The following MDGA2 variants were observed in gnomAD, a reference collection of about 807,000 sequenced individuals.
MDGA2 encodes the protein MAM domain-containing glycosylphosphatidylinositol anchor protein 2.
In MDGA2, 40 loss-of-function variants were observed where a neutral mutation model predicts 117.8. That is an observed-to-expected ratio of 0.34 (90% CI 0.26 to 0.44). The LOEUF (loss-of-function observed/expected upper bound fraction) is 0.44. Among genes scored for constraint, MDGA2 ranks in the 20% least tolerant of loss-of-function variants. The pLI, the probability that MDGA2 is intolerant of heterozygous loss-of-function variation, is 1.00. For missense variants in MDGA2, 1,123 were observed against 1,250.6 expected (o/e 0.90, Z 1.54); for synonymous variants, 452 against 439.0 (o/e 1.03, Z -0.37).
chr14:47,201,633 T>C (rs1191290523), intron 3 of MDGA2, among the ~76,000 whole-genome samples: 1 of 152,224 alleles, frequency 6.6e-6, no homozygotes, highest in Non-Finnish European at 1.5e-5. Context: ...AAAATAACTT[T>C]CTATTTTAGT....
intron 8 of MDGA2, among the ~76,000 whole-genome samples, chr14:46,974,419 A>G (rs1339666948): frequency 6.6e-6 from 1 of 152,092 alleles, no homozygotes; most frequent in East Asian, 1.9e-4. Flanking sequence ...GAATAGCCAC[A>G]ACAAATCTTG....
chr14:47,150,793 G>A (rs1883131521), intron 3 of MDGA2, among the ~76,000 whole-genome samples: 2 of 151,902 alleles, frequency 1.3e-5, no homozygotes, highest in South Asian at 4.2e-4. Context: ...ACATGGTGGT[G>A]CATGCCTGTA....
intron 1 of MDGA2, among the ~76,000 whole-genome samples, chr14:47,486,713 G>A (rs117827329): frequency 0.014 from 2,090 of 152,154 alleles, 41 homozygotes; most frequent in East Asian, 0.1. Context: ...TGGGCCTCAC[G>A]AGATCTAATG....
chr14:47,328,042 C>T (rs1890192958), intron 1 of MDGA2, among the ~76,000 whole-genome samples: 1 of 152,118 alleles, frequency 6.6e-6, no homozygotes. Flanking sequence ...TACTATTACA[C>T]ATTGTGTTTG....
At chr14:46,845,600 A>G (rs1880802471) in intron 16 of MDGA2, among the ~76,000 whole-genome samples, 166 bp downstream of exon 16, 1 of 152,208 alleles carries the variant, frequency 6.6e-6, no homozygotes, top group African/African-American at 2.4e-5. Context: ...ATTGAATTTA[A>G]TACTTTAAAA....
intron 10 of MDGA2, among the ~76,000 whole-genome samples, chr14:46,891,657 C>T (rs1464862794): frequency 1.3e-5 from 2 of 151,310 alleles, no homozygotes; most frequent in Non-Finnish European, 3.0e-5. Context: ...ATGAATAGGA[C>T]TTAAGAAGGT....
chr14:47,071,216 A>G (rs1425188958), intron 6 of MDGA2, among the ~76,000 whole-genome samples: 1 of 152,224 alleles, frequency 6.6e-6, no homozygotes, highest in Admixed American at 6.5e-5. Flanking sequence ...TCATGTAAGT[A>G]CGAGAGTATT....
At chr14:47,601,992 C>T (rs968744462) in intron 1 of MDGA2, among the ~76,000 whole-genome samples, 7 of 152,096 alleles carry the variant, frequency 4.6e-5, no homozygotes, top group Non-Finnish European at 8.8e-5. Context: ...TGTATGGCTA[C>T]TATAGGAAAT....
At chr14:47,250,505 G>A (rs2139639750) in intron 2 of MDGA2, among the ~76,000 whole-genome samples, 1 of 152,296 alleles carries the variant, frequency 6.6e-6, no homozygotes, top group South Asian at 2.1e-4. Context: ...CCTTTGAGAG[G>A]TTAATTAGGT....
intron 1 of MDGA2, among the ~76,000 whole-genome samples, chr14:47,462,720 C>A (rs1003652241): frequency 2.4e-4 from 36 of 151,756 alleles, no homozygotes; most frequent in African/African-American, 8.5e-4. Flanking sequence ...TGACGTCATG[C>A]GAACAATGAA....
intron 2 of MDGA2, among the ~76,000 whole-genome samples, chr14:47,229,237 T>C (rs541781012): frequency 2.6e-4 from 39 of 152,160 alleles, no homozygotes; most frequent in Non-Finnish European, 5.1e-4. Context: ...CTTATCTTTC[T>C]AGCTTTTCTT....
intron 1 of MDGA2, among the ~76,000 whole-genome samples, chr14:47,657,483 A>G (rs1897766322): frequency 6.6e-6 from 1 of 152,184 alleles, no homozygotes; most frequent in Non-Finnish European, 1.5e-5. Flanking sequence ...TAAATGTCCA[A>G]CCTGCCAGCA....
rs368221740 is a variant in MDGA2, at chr14:47,125,259, G to A, written c.925+6455C>T. Among the ~76,000 whole-genome samples, 46 of 152,156 alleles carry A rather than the reference G, an allele frequency of 3.0e-4. No individual in the cohort carries two copies. The East Asian group carries it at 4.8e-3, about 16-fold the overall frequency. On this transcript the variant is annotated intron_variant, in intron 5 of 16. Transcript: ENST00000399232. ...TCTATGACCATAGGTGTAGCATATC[G>A]CAAGAGAAATTGTTTTTGTATTTTG...
chr14:47,558,605 G>C (rs969883367), intron 1 of MDGA2, among the ~76,000 whole-genome samples: 2 of 152,148 alleles, frequency 1.3e-5, no homozygotes, highest in African/African-American at 4.8e-5. Flanking sequence ...CTGCTTTCAG[G>C]GAGAGCACAC....
At chr14:46,970,437 C>A (rs758767108) in intron 8 of MDGA2, among the ~76,000 whole-genome samples, 1 of 152,054 alleles carries the variant, frequency 6.6e-6, no homozygotes, top group South Asian at 2.1e-4. Context: ...GTGCCAAGAA[C>A]ATACAATGGG....
intron 8 of MDGA2, among the ~76,000 whole-genome samples, chr14:46,995,471 AGGAAGTT>A (rs1303795761): frequency 6.6e-6 from 1 of 152,208 alleles, no homozygotes; most frequent in Non-Finnish European, 1.5e-5. Flanking sequence ...ATTACATTTT[AGGAAGTT>A]AATGAATTAC....
At chr14:47,159,314 CACTT>C (rs1883535646) in intron 3 of MDGA2, among the ~76,000 whole-genome samples, 1 of 152,006 alleles carries the variant, frequency 6.6e-6, no homozygotes, top group Non-Finnish European at 1.5e-5. Flanking sequence ...TTTAATATAA[CACTT>C]AAAAAAAAAT....
chr14:47,023,196 C>G (rs113033803), intron 8 of MDGA2, among the ~76,000 whole-genome samples: 6,811 of 73,374 alleles, frequency 0.093, 210 homozygotes, highest in Middle Eastern at 0.14. Flanking sequence ...TATTCCCACT[C>G]GTAAAAAAAA....
At position 47,369,567 on chromosome 14, in the gene MDGA2, C is replaced by T. The variant is rs374648645; in HGVS notation, c.281-68017G>A. Among the ~76,000 whole-genome samples the T allele has an allele frequency of 2.0e-4, 31 of 152,198 alleles. No individual in the cohort carries two copies. The East Asian group carries it at 3.9e-3, about 19-fold the overall frequency. ...CCCTGCAGTCCTCCAGCCATCTCCC[C>T]GGTCCCGACACCACCAGCCAACAAA... On this transcript the variant is annotated intron_variant, in intron 1 of 16. Coordinates refer to ENST00000399232, the MANE Select transcript of MDGA2 (RefSeq NM_001113498.3).
Sources: gnomAD v4.1 joint callset for allele counts (sites outside exome capture counted in the v4.1 genomes callset) on GRCh38, gnomAD v4.1.1 for gene constraint, MANE v1.5 for transcripts, NCBI Gene and HGNC (gene_info 2026-07-23, HGNC 2026-07-21) for gene names.